Variants in GRIN3A observed in about 807,000 individuals in gnomAD.
GRIN3A encodes the protein glutamate ionotropic receptor NMDA type subunit 3A.
In GRIN3A, 47 loss-of-function variants were observed where a neutral mutation model predicts 92.4. That is an observed-to-expected ratio of 0.51 (90% confidence interval 0.40 to 0.65). GRIN3A has a LOEUF of 0.65. Ranked by LOEUF, GRIN3A falls within the 30% of genes least tolerant of loss-of-function variation. The probability of loss-of-function intolerance (pLI) is 0.00; values close to 1 mark genes in which losing one functional copy is unlikely to be tolerated. For missense variants in GRIN3A, 1,324 were observed against 1,393.1 expected (o/e 0.95, Z 0.79); for synonymous variants, 527 against 540.6 (o/e 0.97, Z 0.35).
In GRIN3A at chr9:101,737,656, C is replaced by A; in HGVS notation, c.324G>T (p.Pro108=). 6.3e-7 allele frequency: 1 copy of A among 1,599,842 alleles called. No homozygotes were observed. The highest frequency in any genetic ancestry group is 8.5e-7 in the Non-Finnish European group (1 of 1,175,336). ...CGCCCTCCCCGGGCTTACGGGAGCC[C>A]GGCGGCCCCCGGCCATGCAGGGTGC... ...LGSTLHGRGP[P]GSRKPGEGAR... is the part of the protein sequence containing the mutation. Residue 108 remains proline (P), a synonymous_variant, in exon 1 of 9, where the codon CCG becomes CCT. Transcript: ENST00000361820.
rs963745962 is a variant in GRIN3A, at chr9:101,591,249, G to A, written c.2767-11889C>T. On this transcript the variant is annotated intron_variant, in intron 6 of 8. Transcript: ENST00000361820. ...TCATTGCAATGCATAGAACCAAAGA[G>A]GTGGAGGCTGCTTGTTCTTTGACAA... is the stretch of plus-strand genomic sequence containing the variant. Among the ~76,000 whole-genome samples the A allele has an allele frequency of 3.9e-5, 6 of 152,190 alleles. No individual in the cohort carries two copies. In the East Asian group the frequency reaches 5.8e-4, roughly 15 times the overall value.
intron 3 of GRIN3A, among the ~76,000 whole-genome samples, chr9:101,657,347 C>A (rs1381694487): frequency 6.6e-6 from 1 of 151,940 alleles, no homozygotes; most frequent in Non-Finnish European, 1.5e-5. Flanking sequence ...ACAACCTGCT[C>A]AATTTCTTTC....
chr9:101,616,410 A>C (rs1828454472), intron 5 of GRIN3A, among the ~76,000 whole-genome samples: 1 of 152,180 alleles, frequency 6.6e-6, no homozygotes, highest in South Asian at 2.1e-4. Context: ...CCTGCCTTTC[A>C]AACCAAAACT....
At chr9:101,620,099 A>C (rs1214062498) in intron 5 of GRIN3A, among the ~76,000 whole-genome samples, 1 of 152,212 alleles carries the variant, frequency 6.6e-6, no homozygotes, top group Admixed American at 6.5e-5. Flanking sequence ...AGGGATAGTT[A>C]ATAGTTATCT....
At chr9:101,600,263 TA>T (rs1828194552) in intron 6 of GRIN3A, among the ~76,000 whole-genome samples, 1 of 152,126 alleles carries the variant, frequency 6.6e-6, no homozygotes, top group African/African-American at 2.4e-5. Context: ...TAGGCTTGCT[TA>T]AAAACTCAAG....
chr9:101,709,757 T>C (rs1829856806), intron 1 of GRIN3A, among the ~76,000 whole-genome samples: 1 of 152,090 alleles, frequency 6.6e-6, no homozygotes, highest in Non-Finnish European at 1.5e-5. Context: ...TCAAGGTGAG[T>C]GATTATTTTT....
intron 6 of GRIN3A, among the ~76,000 whole-genome samples, chr9:101,589,352 C>T (rs968546237): frequency 2.0e-5 from 3 of 152,200 alleles, no homozygotes; most frequent in African/African-American, 7.2e-5. Flanking sequence ...AAGGATACAA[C>T]TGTTCTGATG....
chr9:101,678,739 T>C (rs1361409890), intron 2 of GRIN3A, among the ~76,000 whole-genome samples: 2 of 152,198 alleles, frequency 1.3e-5, no homozygotes, highest in South Asian at 2.1e-4. Flanking sequence ...GCTGTGTTAC[T>C]ATTGGTGTGT....
intron 3 of GRIN3A, among the ~76,000 whole-genome samples, chr9:101,628,602 A>G (rs993415736): frequency 1.3e-5 from 2 of 152,218 alleles, no homozygotes; most frequent in African/African-American, 4.8e-5. Context: ...AAGCAAACAG[A>G]TGGAAACGAC....
intron 1 of GRIN3A, among the ~76,000 whole-genome samples, chr9:101,701,815 G>A (rs955158950): frequency 1.4e-4 from 21 of 152,064 alleles, no homozygotes; most frequent in African/African-American, 5.1e-4. Context: ...TAGATGATTA[G>A]GAGTTTTTTC....
At chr9:101,681,031 T>G (rs1829459637) in intron 2 of GRIN3A, among the ~76,000 whole-genome samples, 1 of 152,168 alleles carries the variant, frequency 6.6e-6, no homozygotes, top group Non-Finnish European at 1.5e-5. Flanking sequence ...AAAGAAAAGA[T>G]AAGTGTTGAT....
chr9:101,687,111 G>C lies in GRIN3A; in HGVS notation c.789C>G (p.Tyr263Ter). 1 of 1,614,070 alleles carries C rather than the reference G, an allele frequency of 6.2e-7. No individual in the cohort carries two copies. The highest frequency in any genetic ancestry group is 8.5e-7 in the Non-Finnish European group (1 of 1,179,956). Residue 263 changes from tyrosine (Y) to a stop codon, truncating the protein, a stop_gained, in exon 2 of 9, where the codon TAC becomes TAG. Coordinates refer to ENST00000361820, the MANE Select transcript of GRIN3A (RefSeq NM_133445.3). LOFTEE classifies it high-confidence loss of function. The part of the protein sequence containing the change: ...TVSILTMNNW[Y>*]NFSLLLCQED... The stretch of plus-strand genomic sequence containing the variant: ...CCTGGCACAGCAACAAGCTAAAATT[G>C]TACCAGTTGTTCATGGTCAGGATTG...
intron 1 of GRIN3A, among the ~76,000 whole-genome samples, chr9:101,722,562 T>C (rs1830026250): frequency 6.6e-6 from 1 of 152,216 alleles, no homozygotes; most frequent in South Asian, 2.1e-4. Flanking sequence ...GGAGGGAGGC[T>C]GTACCCTGCA....
intron 3 of GRIN3A, among the ~76,000 whole-genome samples, chr9:101,634,523 A>G (rs1388585672): frequency 6.6e-6 from 1 of 151,734 alleles, no homozygotes; most frequent in Non-Finnish European, 1.5e-5. Context: ...TACTTTTATT[A>G]TTTATTATTA....
chr9:101,651,451 T>A (rs10989582), intron 3 of GRIN3A, among the ~76,000 whole-genome samples: 42,703 of 151,816 alleles, frequency 0.28, 5,972 homozygotes, highest in Non-Finnish European at 0.29. Context: ...TAACATACCT[T>A]TTTGATACTC....
chr9:101,582,555 T>TAACTA (rs1827901707), intron 6 of GRIN3A, among the ~76,000 whole-genome samples: 1 of 152,146 alleles, frequency 6.6e-6, no homozygotes, highest in African/African-American at 2.4e-5. Flanking sequence ...TGTGTGCAAA[T>TAACTA]GGTGACTAGT....
At chr9:101,581,108 C>A (rs1827882282) in intron 6 of GRIN3A, among the ~76,000 whole-genome samples, 1 of 152,176 alleles carries the variant, frequency 6.6e-6, no homozygotes, top group African/African-American at 2.4e-5. Flanking sequence ...TATATCTTTC[C>A]TTTTAAACAG....
chr9:101,589,405 T>A (rs917184606), intron 6 of GRIN3A, among the ~76,000 whole-genome samples: 2 of 152,242 alleles, frequency 1.3e-5, no homozygotes, highest in African/African-American at 4.8e-5. Flanking sequence ...GTGAAAGCCA[T>A]TCCCAATGCC....
Position 101,577,794 on chromosome 9 carries a change from A to G in GRIN3A, c.2982T>C (p.His994=). The G allele has an allele frequency of 1.9e-6, 3 of 1,613,104 alleles. No homozygotes were observed. Among genetic ancestry groups the G allele is most frequent in the South Asian group, 2.2e-5 (2 of 91,068 alleles). ...NTSFIEEKQQ[H]FKTKRVEKRS... ...TCTTTTCCACACGTTTGGTCTTGAA[A>G]TGCTGCTGCTTTTCCTCTATAAATG... Residue 994 remains histidine (H), a synonymous_variant, in exon 8 of 9, where the codon CAT becomes CAC. Coordinates refer to ENST00000361820, the MANE Select transcript of GRIN3A (RefSeq NM_133445.3).
Sources: gnomAD v4.1 joint callset for allele counts (sites outside exome capture counted in the v4.1 genomes callset) on GRCh38, gnomAD v4.1.1 for gene constraint, MANE v1.5 for transcripts, NCBI Gene and HGNC (gene_info 2026-07-23, HGNC 2026-07-21) for gene names.